The following SEMA5A variants were observed in gnomAD, a reference collection of about 807,000 sequenced individuals.
SEMA5A encodes semaphorin-5A.
Under a neutral mutation model 135.5 loss-of-function variants are expected in SEMA5A, and 55 were observed. The ratio of observed to expected loss-of-function variants is 0.41; its 90% CI spans 0.33 to 0.51. SEMA5A has a LOEUF of 0.51. SEMA5A is among the 20% of genes least tolerant of loss of function. The probability of loss-of-function intolerance (pLI) is 0.37; values close to 1 mark genes in which losing one functional copy is unlikely to be tolerated. For synonymous variants in SEMA5A, 580 were observed against 546.5 expected, an observed-to-expected ratio of 1.06 and a Z score of -0.85; for missense variants, 1,290 against 1,419.9, an observed-to-expected ratio of 0.91 and a Z score of 1.47.
At chr5:9,132,592 T>G (rs1000418233) in intron 13 of SEMA5A, among the ~76,000 whole-genome samples, 6 of 152,348 alleles carry the variant, frequency 3.9e-5, no homozygotes, top group African/African-American at 9.6e-5. Context: ...TTATGTATTC[T>G]GTTGTAGCAA....
At chr5:9,430,384 A>T (rs1561247217) in intron 2 of SEMA5A, among the ~76,000 whole-genome samples, 1 of 152,226 alleles carries the variant, frequency 6.6e-6, no homozygotes, top group Non-Finnish European at 1.5e-5. Flanking sequence ...GTTTTGGCTG[A>T]AGATAGACAT....
intron 1 of SEMA5A, among the ~76,000 whole-genome samples, chr5:9,543,068 C>T (rs1176585103): frequency 1.3e-5 from 2 of 152,298 alleles, no homozygotes. Context: ...AACTGTGTCA[C>T]GATTCAGATA....
At chr5:9,258,194 C>T (rs1206399928) in intron 5 of SEMA5A, among the ~76,000 whole-genome samples, 10 of 152,196 alleles carry the variant, frequency 6.6e-5, no homozygotes, top group Admixed American at 1.3e-4. Flanking sequence ...GCCTTACCAT[C>T]GCCCCTTCAA....
chr5:9,316,388 A>C (rs941561953), intron 5 of SEMA5A, among the ~76,000 whole-genome samples: 1 of 152,190 alleles, frequency 6.6e-6, no homozygotes, highest in Non-Finnish European at 1.5e-5. Flanking sequence ...AAGTGTGTTC[A>C]CTGCTACTAA....
intron 3 of SEMA5A, among the ~76,000 whole-genome samples, chr5:9,369,106 G>A (rs1487206478): frequency 6.6e-6 from 1 of 152,204 alleles, no homozygotes; most frequent in Non-Finnish European, 1.5e-5. Flanking sequence ...TGCAGTGTGT[G>A]TGGAGGTATC....
intron 1 of SEMA5A, among the ~76,000 whole-genome samples, chr5:9,458,532 C>A (rs1323452870): frequency 6.6e-6 from 1 of 152,160 alleles, no homozygotes; most frequent in Non-Finnish European, 1.5e-5. Flanking sequence ...AGGCACTCGC[C>A]CATACGCCAC....
chr5:9,180,669 G>A (rs1744457232), intron 11 of SEMA5A, among the ~76,000 whole-genome samples: 1 of 152,062 alleles, frequency 6.6e-6, no homozygotes, highest in Non-Finnish European at 1.5e-5. Flanking sequence ...GGTATCCTTG[G>A]GGTCTCTAAA....
intron 1 of SEMA5A, among the ~76,000 whole-genome samples, chr5:9,443,525 A>G (rs1228218630): frequency 6.6e-6 from 1 of 152,234 alleles, no homozygotes; most frequent in Non-Finnish European, 1.5e-5. Context: ...AATTTTATGG[A>G]AAACTGAGGT....
At chr5:9,241,647 A>G (rs1264461711) in intron 5 of SEMA5A, among the ~76,000 whole-genome samples, 1 of 151,944 alleles carries the variant, frequency 6.6e-6, no homozygotes, top group Non-Finnish European at 1.5e-5. Flanking sequence ...CAAAGCCCCC[A>G]TTGTTTCAAG....
At chr5:9,370,384 A>G (rs1054857105) in intron 3 of SEMA5A, among the ~76,000 whole-genome samples, 1 of 152,200 alleles carries the variant, frequency 6.6e-6, no homozygotes, top group African/African-American at 2.4e-5. Flanking sequence ...ACTGGGGATT[A>G]GAGGAATCCA....
intron 8 of SEMA5A, among the ~76,000 whole-genome samples, chr5:9,208,045 C>G (rs891502301): frequency 1.3e-5 from 2 of 152,200 alleles, no homozygotes; most frequent in African/African-American, 4.8e-5. Flanking sequence ...AATTTACTCA[C>G]ATTATTTACC....
At chr5:9,417,202 A>C (rs1168705115) in intron 2 of SEMA5A, among the ~76,000 whole-genome samples, 1 of 152,272 alleles carries the variant, frequency 6.6e-6, no homozygotes, top group Non-Finnish European at 1.5e-5. Context: ...TTTGCCCATA[A>C]GAAGTTTTAC....
chr5:9,197,724 CTGTTTGTGTGTGTGTGTG>C (rs1745473260), intron 9 of SEMA5A, among the ~76,000 whole-genome samples: 1 of 72,440 alleles, frequency 1.4e-5, no homozygotes, highest in South Asian at 3.8e-4. Context: ...GCAGGGAAAG[CTGTTTGTGTGTGTGTGTG>C]TGTGTGTGTG....
chr5:9,335,699 C>G (rs929632482), intron 4 of SEMA5A, among the ~76,000 whole-genome samples: 1 of 152,168 alleles, frequency 6.6e-6, no homozygotes, highest in Admixed American at 6.5e-5. Context: ...GTGTATACAG[C>G]CTGCCACTGG....
intron 1 of SEMA5A, among the ~76,000 whole-genome samples, chr5:9,471,359 A>C (rs1392277679): frequency 6.6e-6 from 1 of 152,186 alleles, no homozygotes; most frequent in East Asian, 1.9e-4. Context: ...AAAGCTGCCC[A>C]GAGATAGCCT....
intron 12 of SEMA5A, among the ~76,000 whole-genome samples, chr5:9,148,660 G>A (rs191446286): frequency 9.2e-5 from 14 of 152,228 alleles, no homozygotes; most frequent in South Asian, 2.1e-4. Context: ...AGCATGGAAC[G>A]GGCTCCTGAG....
At chr5:9,085,945 G>A (rs1428777787) in intron 16 of SEMA5A, among the ~76,000 whole-genome samples, 1 of 152,210 alleles carries the variant, frequency 6.6e-6, no homozygotes, top group Non-Finnish European at 1.5e-5. Context: ...GTGTGACCTG[G>A]ATGTGAGACA....
intron 1 of SEMA5A, among the ~76,000 whole-genome samples, chr5:9,505,661 G>A (rs1010996935): frequency 6.6e-6 from 1 of 152,192 alleles, no homozygotes; most frequent in African/African-American, 2.4e-5. Context: ...CCAGGACTCT[G>A]GTGAAGGAGA....
At chr5:9,453,654 G>C (rs1236609185) in intron 1 of SEMA5A, among the ~76,000 whole-genome samples, 1 of 152,146 alleles carries the variant, frequency 6.6e-6, no homozygotes, top group Non-Finnish European at 1.5e-5. Flanking sequence ...GTTATTTATT[G>C]ATCAGTTGAC....
Sources: gnomAD v4.1 joint callset for allele counts (sites outside exome capture counted in the v4.1 genomes callset) on GRCh38, gnomAD v4.1.1 for gene constraint, MANE v1.5 for transcripts, NCBI Gene and HGNC (gene_info 2026-07-23, HGNC 2026-07-21) for gene names.